Variants in GRIN2D observed in about 807,000 individuals in gnomAD.
GRIN2D encodes glutamate ionotropic receptor NMDA type subunit 2D, also known as glutamate receptor ionotropic, NMDA 2D.
A neutral mutation model predicts 103.2 loss-of-function variants in GRIN2D; 37 were observed. The observed-to-expected ratio is 0.36, with a 90% CI of 0.28 to 0.47. GRIN2D has a LOEUF of 0.47. Ranked by LOEUF, GRIN2D falls within the 20% of genes least tolerant of loss-of-function variation. The pLI is 1.00. For missense variants in GRIN2D, 1,557 were observed against 1,910.6 expected (o/e 0.81, Z 3.45); for synonymous variants, 845 against 885.6 (o/e 0.95, Z 0.81).
rs1448628144 is a variant in GRIN2D, at chr19:48,444,222, C to A, written c.*285C>A. Reference sequence around the variant, plus strand: ...GGCTTTTTAACGTCACCAGATGGGGCGGGAGGTGGGGGGTTCACGCCACTC... The same window carrying A: ...GGCTTTTTAACGTCACCAGATGGGGAGGGAGGTGGGGGGTTCACGCCACTC... On this transcript the variant is annotated 3_prime_UTR_variant, in exon 14 of 14. Coordinates refer to ENST00000263269, the MANE Select transcript of GRIN2D (RefSeq NM_000836.4). The surrounding 1 kb of genome is among the most constrained non-coding windows in gnomAD (Gnocchi z 5.5). The A allele has an allele frequency of 7.7e-6, 2 of 260,064 alleles. No individual in the cohort carries two copies. The highest frequency in any genetic ancestry group is 1.4e-5 in the Non-Finnish European group (2 of 137,938). The allele number at this position is 260,064 out of a possible 1,614,324, so 16.1% of individuals were successfully genotyped here.
intron 4 of GRIN2D, among the ~76,000 whole-genome samples, chr19:48,408,646 C>A (rs1402503031): frequency 6.6e-6 from 1 of 151,698 alleles, no homozygotes; most frequent in Middle Eastern, 3.4e-3. Context: ...CAGGGAAACA[C>A]CATCTCTACT....
intron 3 of GRIN2D, among the ~76,000 whole-genome samples, chr19:48,402,829 G>A (rs1253997407): frequency 1.3e-5 from 2 of 148,396 alleles, no homozygotes; most frequent in Non-Finnish European, 3.0e-5. Context: ...TTGAGATAGG[G>A]GAAAGATCGA....
rs1328680030 is a variant in GRIN2D at position 48,419,229 on chromosome 19, C to G, written c.1736-5C>G. ...AGCCATAACCACGCACTCCCTTGTCCCCAGAGCCCTACAGCCCCGCCGTGT... is the reference window on the plus strand; with the variant it reads ...AGCCATAACCACGCACTCCCTTGTCGCCAGAGCCCTACAGCCCCGCCGTGT... On this transcript the variant is annotated splice_polypyrimidine_tract_variant and splice_region_variant and intron_variant, in intron 8 of 13. Coordinates refer to ENST00000263269, the MANE Select transcript of GRIN2D (RefSeq NM_000836.4). 6.2e-7 allele frequency: 1 copy of G among 1,604,760 alleles called. No homozygotes were observed. Among genetic ancestry groups the G allele is most frequent in the African/African-American group, 1.3e-5 (1 of 74,074 alleles).
chr19:48,409,105 C>A (rs925468845), intron 4 of GRIN2D, among the ~76,000 whole-genome samples: 3 of 151,906 alleles, frequency 2.0e-5, no homozygotes, highest in African/African-American at 4.8e-5. Flanking sequence ...GAAGGCATCA[C>A]ATGGTAGAAG....
At chr19:48,420,668 A>G (rs932347012) in intron 10 of GRIN2D, among the ~76,000 whole-genome samples, 3 of 151,000 alleles carry the variant, frequency 2.0e-5, no homozygotes, top group Non-Finnish European at 4.4e-5. Flanking sequence ...TCTAATAAAA[A>G]TACAAAAATT....
chr19:48,443,678 AC>A lies in GRIN2D; in HGVS notation c.3753del (p.His1251GlnfsTer267). On this transcript the variant is annotated frameshift_variant, in exon 14 of 14. Transcript: ENST00000263269. LOFTEE classifies it high-confidence loss of function. This position sits in a 1 kb window ranked among gnomAD's most constrained non-coding sequence, Gnocchi z 8.9. The part of the protein sequence containing the change: ...RTPAAAAPHH[H>X]RHRRAAGGWD... The stretch of plus-strand genomic sequence containing the variant: ...CCCGCCGCCGCCGCGCCCCACCACC[AC>A]AGGCACCGGCGCGCCGCTGGGGGCT... The A allele has an allele frequency of 8.2e-7, 1 of 1,215,112 alleles. No individual in the cohort carries two copies. The highest frequency in any genetic ancestry group is 3.2e-5 in the South Asian group (1 of 31,170). The allele number at this position is 1,215,112 out of a possible 1,614,324, so 75.3% of individuals were successfully genotyped here.
chr19:48,407,648 A>G (rs1970808111), intron 4 of GRIN2D, among the ~76,000 whole-genome samples: 1 of 152,188 alleles, frequency 6.6e-6, no homozygotes, highest in South Asian at 2.1e-4. Context: ...AAAGTCTGCT[A>G]TGTGCCAAGC....
Position 48,412,477 on chromosome 19 carries a change from GAAAGA to G in GRIN2D, c.1086-1513_1086-1509del, listed in dbSNP as rs1970883023. On this transcript the variant is annotated intron_variant, in intron 4 of 13. Transcript: ENST00000263269. Reference sequence around the variant, plus strand: ...AGAAAGAAAGAAAGAAAGAAAGAAAGAAAGAGAGAGAAAGAAAGAGGCGGGCCAGG... The same window carrying G: ...AGAAAGAAAGAAAGAAAGAAAGAAAGGAGAGAAAGAAAGAGGCGGGCCAGG... Among the ~76,000 whole-genome samples the G allele has an allele frequency of 7.3e-5, 11 of 149,832 alleles. No homozygotes were observed. The South Asian group carries it at 2.3e-3, about 32-fold the overall frequency.
At chr19:48,398,307 C>T in intron 2 of GRIN2D, 60 bp from the exon 3 acceptor site, 1 of 623,802 alleles carries the variant, frequency 1.6e-6, no homozygotes, top group Non-Finnish European at 2.0e-6. Context: ...GTCTCCCTGT[C>T]CCTGCGTCTC....
At chr19:48,404,618 G>A in intron 3 of GRIN2D, 116 bp from the exon 4 acceptor site, 2 of 1,028,242 alleles carry the variant, frequency 1.9e-6, no homozygotes, top group Non-Finnish European at 2.8e-6. Context: ...AAGGAGATGG[G>A]TTTAGTGAAC....
chr19:48,406,592 T>C (rs926544232), intron 4 of GRIN2D, among the ~76,000 whole-genome samples: 1 of 152,198 alleles, frequency 6.6e-6, no homozygotes, highest in African/African-American at 2.4e-5. Context: ...TCTTCATAAA[T>C]ACTTACTGAG....
intron 2 of GRIN2D, among the ~76,000 whole-genome samples, chr19:48,395,579 G>A (rs905132687): frequency 2.6e-5 from 4 of 152,048 alleles, no homozygotes; most frequent in African/African-American, 9.7e-5. Flanking sequence ...GCTGTTGATC[G>A]AAGTGGCCGC....
intron 2 of GRIN2D, among the ~76,000 whole-genome samples, chr19:48,397,186 G>A (rs1480811640): frequency 6.6e-6 from 1 of 152,124 alleles, no homozygotes; most frequent in Non-Finnish European, 1.5e-5. Context: ...GAGGGGATGG[G>A]GACAGGACTA....
chr19:48,410,311 C>T (rs1049304930), intron 4 of GRIN2D, among the ~76,000 whole-genome samples: 30 of 150,330 alleles, frequency 2.0e-4, no homozygotes, highest in South Asian at 1.7e-3. Flanking sequence ...GGGCGGATCA[C>T]GAGGTCAAGA....
intron 11 of GRIN2D, among the ~76,000 whole-genome samples, chr19:48,426,220 C>CTTTTTTTTTTTTTTTTT (rs1253186603): frequency 2.4e-4 from 30 of 127,092 alleles, no homozygotes; most frequent in African/African-American, 8.3e-4. Flanking sequence ...TTCTTTCTTT[C>CTTTTTTTTTTTTTTTTT]TTTCTTTTTT....
rs961422663 is a variant in GRIN2D, at chr19:48,398,404, C to A, written c.12C>A (p.Ala4=). 6 of 1,117,394 alleles carry A rather than the reference C, an allele frequency of 5.4e-6. No homozygotes were observed. In the Admixed American group the frequency reaches 1.5e-4, roughly 28 times the overall value. The allele number at this position is 1,117,394 out of a possible 1,614,324, so 69.2% of individuals were successfully genotyped here. A position where few individuals can be genotyped will look rare whatever the true frequency, so the allele number is the denominator to read the frequency against. MRG[A]GGPRGPRGPA... ...GGGGCCCGCAGGCGATGCGCGGCGC[C>A]GGTGGCCCCCGCGGCCCTCGGGGCC... The change falls in exon 3 of 14, where the codon GCC becomes GCA. Residue 4 remains alanine, a synonymous_variant. Coordinates refer to ENST00000263269, the MANE Select transcript of GRIN2D (RefSeq NM_000836.4).
At chr19:48,431,501 T>C (rs1752634352) in intron 11 of GRIN2D, among the ~76,000 whole-genome samples, 1 of 152,204 alleles carries the variant, frequency 6.6e-6, no homozygotes. Flanking sequence ...TTCTGATTCC[T>C]ATGCCTTTGT....
At chr19:48,428,754 T>C (rs1189382170) in intron 11 of GRIN2D, among the ~76,000 whole-genome samples, 2 of 152,140 alleles carry the variant, frequency 1.3e-5, no homozygotes, top group Non-Finnish European at 2.9e-5. Context: ...GCAGAGGCCC[T>C]ATATACAAAT....
chr19:48,426,607 CAG>C (rs1333424466), intron 11 of GRIN2D, among the ~76,000 whole-genome samples: 2 of 150,672 alleles, frequency 1.3e-5, no homozygotes, highest in Non-Finnish European at 3.0e-5. Context: ...TTTTTTCAGA[CAG>C]AGTTTTCCTC....
Sources: allele counts gnomAD v4.1 joint callset (sites outside exome capture counted in the v4.1 genomes callset), GRCh38; gene constraint gnomAD v4.1.1; non-coding constraint Gnocchi (gnomAD v3.1); transcripts MANE v1.5; gene names NCBI Gene and HGNC (gene_info 2026-07-23, HGNC 2026-07-21).